Variants in PPP1R16B observed in about 807,000 individuals in gnomAD.
The protein encoded by PPP1R16B is protein phosphatase 1 regulatory inhibitor subunit 16B.
Under a neutral mutation model 61.7 loss-of-function variants are expected in PPP1R16B, and 14 were observed. That is an observed-to-expected ratio of 0.23 (90% confidence interval 0.15 to 0.35). PPP1R16B has a LOEUF of 0.35. Ranked by LOEUF, PPP1R16B falls within the 10% of genes least tolerant of loss-of-function variation. The pLI, the probability that PPP1R16B is intolerant of heterozygous loss-of-function variation, is 1.00. For missense variants in PPP1R16B, 547 were observed against 752.5 expected (o/e 0.73, Z 3.19); for synonymous variants, 266 against 305.3 (o/e 0.87, Z 1.34).
chr20:38,828,123 C>T (rs1346280439), intron 1 of PPP1R16B, among the ~76,000 whole-genome samples: 1 of 152,216 alleles, frequency 6.6e-6, no homozygotes, highest in African/African-American at 2.4e-5. Flanking sequence ...AATTCACCTT[C>T]CTTCATGTTG....
At chr20:38,835,797 T>C in intron 1 of PPP1R16B, 28 bp from the exon 2 acceptor site, 1 of 1,104,622 alleles carries the variant, frequency 9.1e-7, no homozygotes. Flanking sequence ...GACACATGTG[T>C]TCATCTGTGT....
At chr20:38,823,663 C>A (rs1200678737) in intron 1 of PPP1R16B, among the ~76,000 whole-genome samples, 2 of 151,654 alleles carry the variant, frequency 1.3e-5, no homozygotes, top group Admixed American at 1.3e-4. Context: ...AAAACAAATC[C>A]AAAAAACACA....
At chr20:38,887,935 C>T (rs749987004) in intron 2 of PPP1R16B, among the ~76,000 whole-genome samples, 2 of 152,286 alleles carry the variant, frequency 1.3e-5, no homozygotes, top group Middle Eastern at 3.4e-3. Flanking sequence ...GGGGCTGTAC[C>T]CCCACCCCAT....
At chr20:38,867,675 T>A (rs2085099086) in intron 2 of PPP1R16B, among the ~76,000 whole-genome samples, 1 of 152,030 alleles carries the variant, frequency 6.6e-6, no homozygotes, top group Non-Finnish European at 1.5e-5. Context: ...ATTCTTTGAT[T>A]CTTTTTTTTC....
intron 10 of PPP1R16B, among the ~76,000 whole-genome samples, chr20:38,913,123 C>T (rs756735557): frequency 3.9e-5 from 6 of 152,036 alleles, no homozygotes; most frequent in Admixed American, 3.9e-4. Context: ...CACCTGCCTT[C>T]GCTTCCCAGA....
rs187459938 is a variant in PPP1R16B, at chr20:38,870,224, A to C, written c.251-19371A>C. Among the ~76,000 whole-genome samples the C allele has an allele frequency of 3.7e-4, 56 of 152,216 alleles. No individual in the cohort carries two copies. In the South Asian group the frequency reaches 7.5e-3, roughly 20 times the overall value. ...AAGTGCTGGGATTACAGGTGTGAGCAACCACGCCCGGCCTGCAGAGCAAAA... is the reference window on the plus strand; with the variant it reads ...AAGTGCTGGGATTACAGGTGTGAGCCACCACGCCCGGCCTGCAGAGCAAAA... On this transcript the variant is annotated intron_variant, in intron 2 of 10. Transcript: ENST00000299824.
chr20:38,828,118 A>G (rs1029007407), intron 1 of PPP1R16B, among the ~76,000 whole-genome samples: 1 of 152,160 alleles, frequency 6.6e-6, no homozygotes, highest in African/African-American at 2.4e-5. Context: ...ATTTGAATTC[A>G]CCTTCCTTCA....
chr20:38,881,394 G>T (rs2085202429), intron 2 of PPP1R16B, among the ~76,000 whole-genome samples: 2 of 152,256 alleles, frequency 1.3e-5, no homozygotes, highest in African/African-American at 4.8e-5. Flanking sequence ...CTCTGAGAGT[G>T]CTGGCCCTTT....
intron 5 of PPP1R16B, among the ~76,000 whole-genome samples, chr20:38,902,463 G>T (rs1355476377): frequency 6.6e-6 from 1 of 152,214 alleles, no homozygotes; most frequent in Non-Finnish European, 1.5e-5. Context: ...TGCCTAGTGG[G>T]TGCCAGGCAG....
chr20:38,883,263 C>G (rs936105206), intron 2 of PPP1R16B, among the ~76,000 whole-genome samples: 1 of 152,258 alleles, frequency 6.6e-6, no homozygotes, highest in African/African-American at 2.4e-5. Flanking sequence ...GGAGCAGGAG[C>G]CACGCCTATG....
intron 2 of PPP1R16B, among the ~76,000 whole-genome samples, chr20:38,857,244 T>G (rs2085014652): frequency 6.6e-6 from 1 of 152,250 alleles, no homozygotes; most frequent in Non-Finnish European, 1.5e-5. Flanking sequence ...AAGTTTCTTC[T>G]TCTCTCTTCT....
rs570813637 is a variant in PPP1R16B at position 38,823,114 on chromosome 20, T to C, written c.-101-12711T>C. ...TCAAAGAGGGGAGGAACAGAAGTAA[T>C]GCTCTAAAGGCAGAATACTACAGCC... On this transcript the variant is annotated intron_variant, in intron 1 of 10. Coordinates refer to ENST00000299824, the MANE Select transcript of PPP1R16B (RefSeq NM_015568.4). Among the ~76,000 whole-genome samples, 3 of 152,246 alleles carry C rather than the reference T, an allele frequency of 2.0e-5. No individual in the cohort carries two copies. The East Asian group carries it at 5.8e-4, about 29-fold the overall frequency.
chr20:38,912,669 G>A (rs1229203434), intron 10 of PPP1R16B, among the ~76,000 whole-genome samples: 1 of 151,320 alleles, frequency 6.6e-6, no homozygotes, highest in Non-Finnish European at 1.5e-5. Context: ...AGTGAGGCGT[G>A]GTCTCTAAAA....
rs201350696 is a variant in PPP1R16B, at chr20:38,916,701, GA to G, written c.1195-1453del. Among the ~76,000 whole-genome samples, 1,096 of 151,526 alleles carry G rather than the reference GA, an allele frequency of 7.2e-3. 9 individuals carry two copies. The highest frequency in any genetic ancestry group is 0.02 in the African/African-American group (831 of 41,358). ...TTTTACTGAAGAGCTGGGGAGAGAA[GA>G]AAGGAAAAAAAGAAAAAAATTTCAG... On this transcript the variant is annotated intron_variant, in intron 10 of 10. Transcript: ENST00000299824.
intron 2 of PPP1R16B, among the ~76,000 whole-genome samples, chr20:38,861,782 T>C (rs766679781): frequency 4.0e-5 from 6 of 151,596 alleles, no homozygotes; most frequent in African/African-American, 7.3e-5. Context: ...GTTCAAGCGA[T>C]TCTCTTGCCT....
chr20:38,807,261 A>G lies in PPP1R16B; in HGVS notation c.-102+1469A>G, dbSNP rs1239538046. ...ATAAAGCTTCTTAGCCCAGCCAGCG[A>G]CTAGCTGTCTACTCGTGGGCAAGGT... On this transcript the variant is annotated intron_variant, in intron 1 of 10. Coordinates refer to ENST00000299824, the MANE Select transcript of PPP1R16B (RefSeq NM_015568.4). 3.9e-5 allele frequency among the ~76,000 whole-genome samples: 6 copies of G among 152,304 alleles called. No homozygotes were observed. The East Asian group carries it at 5.8e-4, about 15-fold the overall frequency.
At chr20:38,889,516 G>A (rs2085275127) in intron 2 of PPP1R16B, 79 bp from the exon 3 acceptor site, 3 of 1,242,052 alleles carry the variant, frequency 2.4e-6, no homozygotes, top group Admixed American at 1.7e-5. Flanking sequence ...CTGGGGGAGA[G>A]CGGGTCTTAC....
intron 2 of PPP1R16B, among the ~76,000 whole-genome samples, chr20:38,855,947 G>T (rs55992319): frequency 3.2e-3 from 144 of 44,664 alleles, no homozygotes; most frequent in South Asian, 6.0e-3. Context: ...TATATATAGA[G>T]AGAGAGAGAG....
intron 2 of PPP1R16B, among the ~76,000 whole-genome samples, chr20:38,879,025 C>CG (rs1378376168): frequency 1.3e-5 from 2 of 152,052 alleles, no homozygotes; most frequent in Non-Finnish European, 2.9e-5. Context: ...CGTGTTTAGG[C>CG]GGGCCAGGCT....
Sources: gnomAD v4.1 joint callset for allele counts (sites outside exome capture counted in the v4.1 genomes callset) on GRCh38, gnomAD v4.1.1 for gene constraint, MANE v1.5 for transcripts, NCBI Gene and HGNC (gene_info 2026-07-23, HGNC 2026-07-21) for gene names.